The following DOP1B variants were observed in gnomAD, a reference collection of about 807,000 sequenced individuals.
DOP1B encodes DOP1 leucine zipper like protein B, also known as protein DOP1B.
DOP1B carries 174 observed loss-of-function variants against 233.5 expected under a neutral mutation model. The ratio of observed to expected loss-of-function variants is 0.75; its 90% CI spans 0.66 to 0.85. DOP1B has a LOEUF of 0.85. DOP1B is among the 40% of genes least tolerant of loss of function. The pLI is 0.00. For synonymous variants in DOP1B, 1,190 were observed against 1,185.6 expected (o/e 1.00, Z -0.08); for missense variants, 2,652 against 2,846.6 (o/e 0.93, Z 1.56).
intron 34 of DOP1B, 75 bp from the exon 35 acceptor site, chr21:36,288,970 G>A (rs2067521144): frequency 3.9e-6 from 6 of 1,553,840 alleles, no homozygotes; most frequent in Middle Eastern, 1.7e-4. Context: ...ATTCTTCTGA[G>A]GGACAGGTCA....
intron 1 of DOP1B, among the ~76,000 whole-genome samples, chr21:36,160,757 C>T (rs998031293): frequency 6.6e-6 from 1 of 152,174 alleles, no homozygotes; most frequent in South Asian, 2.1e-4. Flanking sequence ...GGGTTACAGG[C>T]GTGAGCCACT....
At chr21:36,177,300 C>G (rs1316974904) in intron 2 of DOP1B, among the ~76,000 whole-genome samples, 2 of 152,206 alleles carry the variant, frequency 1.3e-5, no homozygotes, top group Admixed American at 1.3e-4. Context: ...GGGCCACTCA[C>G]ACTGTAAGAT....
At chr21:36,287,598 T>TTC (rs2067499912) in intron 32 of DOP1B, among the ~76,000 whole-genome samples, 1 of 141,608 alleles carries the variant, frequency 7.1e-6, no homozygotes, top group Admixed American at 7.1e-5. Flanking sequence ...TTTTTTTTTT[T>TTC]TTTTTTGAGA....
rs2067271095 is a variant in DOP1B, at chr21:36,270,171, G to A, written c.5632+14G>A. On this transcript the variant is annotated intron_variant, in intron 27 of 36. Transcript: ENST00000691173. ...AGGACCTGTATGGTAGGTGGAGATG[G>A]GTTGGCTGATAGTGCCTCTGGTCAG... The A allele has an allele frequency of 6.2e-7, 1 of 1,612,130 alleles. No homozygotes were observed. The highest frequency in any genetic ancestry group is 1.1e-5 in the South Asian group (1 of 90,864).
chr21:36,225,591 G>C lies in DOP1B; in HGVS notation c.1397G>C (p.Arg466Thr), dbSNP rs775136760. 5 of 1,614,006 alleles carry C rather than the reference G, an allele frequency of 3.1e-6. 1 individual carries two copies. In the South Asian group the frequency reaches 5.5e-5, roughly 18 times the overall value. Residue 466 changes from arginine to threonine, a missense_variant, in exon 12 of 37, where the codon AGG (arginine) becomes ACG (threonine). Arg to Thr is a moderately conservative substitution (Grantham distance 71, BLOSUM62 -1). Coordinates refer to ENST00000691173, the MANE Select transcript of DOP1B (RefSeq NM_001320714.2). ...FRPVKQRYSV[R>T]NSVSPPPTVS... ...CCAGTGAAGCAGCGTTACAGCGTGA[G>C]GAACAGCGTCAGCCCTCCCCCCACG...
At chr21:36,176,289 C>G (rs529947409) in intron 2 of DOP1B, among the ~76,000 whole-genome samples, 3 of 152,080 alleles carry the variant, frequency 2.0e-5, no homozygotes, top group Non-Finnish European at 4.4e-5. Flanking sequence ...CTTCCTCCCC[C>G]ACTGGAGCCT....
chr21:36,283,675 G>A (rs944309085), intron 32 of DOP1B, among the ~76,000 whole-genome samples: 3 of 152,118 alleles, frequency 2.0e-5, no homozygotes, highest in African/African-American at 4.8e-5. Context: ...TCCAAAGACT[G>A]TGGCTAAATG....
intron 13 of DOP1B, 85 bp downstream of exon 13, chr21:36,227,962 T>TAGGATAGGAATA (rs2066713221): frequency 7.5e-7 from 1 of 1,327,586 alleles, no homozygotes; most frequent in East Asian, 2.5e-5. Context: ...TAGGGTTGGT[T>TAGGATAGGAATA]AGGATAGGAA....
intron 2 of DOP1B, among the ~76,000 whole-genome samples, chr21:36,182,420 C>T (rs2066110352): frequency 6.6e-6 from 1 of 152,306 alleles, no homozygotes. Context: ...GGCACATGAC[C>T]TGCTCTAGCC....
At chr21:36,262,093 G>A (rs1047983415) in intron 24 of DOP1B, among the ~76,000 whole-genome samples, 4 of 152,244 alleles carry the variant, frequency 2.6e-5, no homozygotes, top group African/African-American at 7.2e-5. Flanking sequence ...GTTGCAGGAC[G>A]GTAAATTGAG....
At chr21:36,218,259 C>T (rs1021622084) in intron 9 of DOP1B, among the ~76,000 whole-genome samples, 14 of 152,132 alleles carry the variant, frequency 9.2e-5, no homozygotes, top group Admixed American at 3.9e-4. Context: ...AGGCCAGGTG[C>T]GGTGGCTCAC....
Position 36,246,434 on chromosome 21 carries a change from T to A in DOP1B, c.4454T>A (p.Leu1485Gln), listed in dbSNP as rs1218896665. Reference protein sequence around the residue: ...ALNFQQAISALQYVQPHPLTS... With the variant: ...ALNFQQAISAQQYVQPHPLTS... ...AACTTCCAGCAGGCCATCAGCGCCC[T>A]GCAGTACGTGCAGCCCCACCCCCTC... Residue 1485 changes from leucine (L) to glutamine (Q), a missense_variant, in exon 19 of 37, where the codon CTG (leucine) becomes CAG (glutamine). Around this residue, in one of 3 missense-constraint regions of DOP1B, gnomAD observed 2,617 missense variants for 2,794.3 expected, o/e 0.94. Coordinates refer to ENST00000691173, the MANE Select transcript of DOP1B (RefSeq NM_001320714.2). This position sits in a 1 kb window ranked among gnomAD's most constrained non-coding sequence, Gnocchi z 5.1. The A allele has an allele frequency of 3.7e-6, 6 of 1,613,540 alleles. No homozygotes were observed. Among genetic ancestry groups the A allele is most frequent in the Non-Finnish European group, 1.7e-6 (2 of 1,179,884 alleles).
intron 5 of DOP1B, 63 bp from the exon 6 acceptor site, chr21:36,211,490 A>G (rs1256256469): frequency 6.9e-7 from 1 of 1,445,286 alleles, no homozygotes; most frequent in African/African-American, 1.4e-5. Flanking sequence ...GGGAAAGGTT[A>G]CTTTCGTTTT....
At chr21:36,169,445 C>T (rs1050253407) in intron 2 of DOP1B, 34 of 1,057,738 alleles carry the variant, frequency 3.2e-5, no homozygotes, top group African/African-American at 6.2e-5. Flanking sequence ...GCACAGGCCT[C>T]GGTGGGTCTT....
At chr21:36,174,939 T>G (rs1286034017) in intron 2 of DOP1B, among the ~76,000 whole-genome samples, 1 of 152,200 alleles carries the variant, frequency 6.6e-6, no homozygotes, top group Non-Finnish European at 1.5e-5. Context: ...GCAGAGTGGA[T>G]TAAACAACAG....
rs2067525043 is a variant in DOP1B, at chr21:36,289,130, A to T, written c.6439A>T (p.Ile2147Phe). The T allele has an allele frequency of 2.5e-6, 4 of 1,614,114 alleles. No individual in the cohort carries two copies. In the South Asian group the frequency reaches 4.4e-5, roughly 18 times the overall value. ...GGGGGAGATACCCCAGAGTGAACTC[A>T]TCTTGTATTTATCAGCTTGCAAATT... is the stretch of plus-strand genomic sequence containing the variant. ...SVGEIPQSEL[I>F]LYLSACKFLD... The change falls in exon 35 of 37, where the codon ATC becomes TTC. Residue 2147 changes from isoleucine to phenylalanine, a missense_variant. Physicochemically the swap from Ile to Phe is conservative, Grantham distance 21 (BLOSUM62 0). This residue lies in a region of DOP1B where 2,617 missense variants were observed against 2,794.3 expected (regional missense o/e 0.94). Transcript: ENST00000691173.
Position 36,281,495 on chromosome 21 carries a change from G to A in DOP1B, c.6044G>A (p.Ser2015Asn). 6.2e-7 allele frequency: 1 copy of A among 1,603,294 alleles called. No individual in the cohort carries two copies. Among genetic ancestry groups the A allele is most frequent in the Non-Finnish European group, 8.5e-7 (1 of 1,171,240 alleles). ...MFKDLMNMQS[S>N]SLKLFSSFEQ... ...GTATTTATTCTAGACATGCAGAGCAGTTCTTTGAAACTATTCTCAAGTTTT... is the reference window on the plus strand; with the variant it reads ...GTATTTATTCTAGACATGCAGAGCAATTCTTTGAAACTATTCTCAAGTTTT... The change falls in exon 32 of 37, where the codon AGT becomes AAT. Residue 2015 changes from serine to asparagine, a missense_variant. Physicochemically the swap from Ser to Asn is conservative, Grantham distance 46. Coordinates refer to ENST00000691173, the MANE Select transcript of DOP1B (RefSeq NM_001320714.2).
intron 2 of DOP1B, among the ~76,000 whole-genome samples, chr21:36,197,780 C>A (rs961082364): frequency 6.6e-6 from 1 of 152,052 alleles, no homozygotes; most frequent in African/African-American, 2.4e-5. Flanking sequence ...GAGGCCGAGG[C>A]GGGTGGATCC....
At chr21:36,236,777 C>CTTT (rs35374710) in intron 15 of DOP1B, among the ~76,000 whole-genome samples, 52 of 118,558 alleles carry the variant, frequency 4.4e-4, no homozygotes, top group South Asian at 1.1e-3. Flanking sequence ...TTTTCTTTTT[C>CTTT]TTTTTTTTTT....
Sources: allele counts gnomAD v4.1 joint callset (sites outside exome capture counted in the v4.1 genomes callset), GRCh38; gene constraint gnomAD v4.1.1; regional missense constraint gnomAD v4.1.1; non-coding constraint Gnocchi (gnomAD v3.1); transcripts MANE v1.5; gene names NCBI Gene and HGNC (gene_info 2026-07-23, HGNC 2026-07-21).